The following ARAP2 variants were observed in gnomAD, a reference collection of about 807,000 sequenced individuals.
ARAP2 encodes arf-GAP with Rho-GAP domain, ANK repeat and PH domain-containing protein 2.
Under a neutral mutation model 194.5 loss-of-function variants are expected in ARAP2, and 148 were observed. The observed-to-expected ratio is 0.76, with a 90% confidence interval of 0.67 to 0.87. The LOEUF is 0.87. Ranked by LOEUF, ARAP2 falls within the 40% of genes least tolerant of loss-of-function variation. The pLI, the probability that ARAP2 is intolerant of heterozygous loss-of-function variation, is 0.00. For synonymous variants in ARAP2, 695 were observed against 683.5 expected (o/e 1.02, Z -0.26); for missense variants, 2,128 against 1,989.7 (o/e 1.07, Z -1.32).
chr4:36,109,172 T>C (rs955208679), intron 26 of ARAP2, among the ~76,000 whole-genome samples: 2 of 151,880 alleles, frequency 1.3e-5, no homozygotes, highest in Non-Finnish European at 2.9e-5. Flanking sequence ...AGAAAATAAA[T>C]TGTCTGTTTC....
chr4:36,069,027 ATT>A (rs5857469), intron 32 of ARAP2, among the ~76,000 whole-genome samples: 39 of 151,422 alleles, frequency 2.6e-4, no homozygotes, highest in African/African-American at 4.8e-4. Context: ...CAAGGTTTCT[ATT>A]TTTTTTTTCC....
intron 25 of ARAP2, among the ~76,000 whole-genome samples, chr4:36,114,650 G>A (rs1720894422): frequency 6.6e-6 from 1 of 152,032 alleles, no homozygotes; most frequent in African/African-American, 2.4e-5. Flanking sequence ...ATAATTAAGA[G>A]TGTAGAGTGA....
At chr4:36,023,302 T>G (rs534039073) in intron 5 of ARAP2, among the ~76,000 whole-genome samples, 10 of 152,294 alleles carry the variant, frequency 6.6e-5, no homozygotes, top group African/African-American at 2.4e-4. Context: ...CATTTGCTTG[T>G]ATAGCAGAAG....
rs2109295607 is a variant in ARAP2 at position 36,067,247 on chromosome 4, C to G, written c.*660G>C. The G allele has an allele frequency of 6.5e-6, 1 of 152,754 alleles. No homozygotes were observed. Among genetic ancestry groups the G allele is most frequent in the South Asian group, 2.1e-4 (1 of 4,826 alleles). The allele number at this position is 152,754 out of a possible 1,614,324, so 9.5% of individuals were successfully genotyped here. On this transcript the variant is annotated 3_prime_UTR_variant, in exon 33 of 33. Coordinates refer to ENST00000303965, the MANE Select transcript of ARAP2 (RefSeq NM_015230.4). ...ATTTACATCTGTTGGCCGAATATTACTCTTGAGAAATAAACACTGGACTTT... is the reference window on the plus strand; with the variant it reads ...ATTTACATCTGTTGGCCGAATATTAGTCTTGAGAAATAAACACTGGACTTT...
intron 2 of ARAP2, among the ~76,000 whole-genome samples, chr4:36,216,290 C>A (rs550821988): frequency 6.6e-6 from 1 of 151,938 alleles, no homozygotes; most frequent in Non-Finnish European, 1.5e-5. Context: ...TGGAAAAATG[C>A]AAATAGTTGT....
chr4:36,151,758 T>C (rs1354780728), intron 15 of ARAP2, among the ~76,000 whole-genome samples: 2 of 152,116 alleles, frequency 1.3e-5, no homozygotes, highest in Non-Finnish European at 2.9e-5. Flanking sequence ...GCATATAAAG[T>C]GTGAGATAAA....
intron 5 of ARAP2, among the ~76,000 whole-genome samples, chr4:36,024,949 T>C (rs543943218): frequency 4.8e-4 from 73 of 152,292 alleles, no homozygotes; most frequent in Middle Eastern, 3.4e-3. Context: ...CTGTCATCTG[T>C]AAGGTACTGA....
rs1396613857 is a variant in ARAP2, at chr4:36,066,928, T to C, written c.*979A>G. 6.6e-6 allele frequency: 1 copy of C among 152,138 alleles called. No homozygotes were observed. Among genetic ancestry groups the C allele is most frequent in the Non-Finnish European group, 1.5e-5 (1 of 68,036 alleles). The allele number at this position is 152,138 out of a possible 1,614,324, so 9.4% of individuals were successfully genotyped here. ...ATTTCTGACAACTCGGAGAAAAACA[T>C]TACAACCTTAATAATAATTTAAAAA... is the stretch of plus-strand genomic sequence containing the variant. On this transcript the variant is annotated 3_prime_UTR_variant, in exon 33 of 33. Transcript: ENST00000303965.
intron 27 of ARAP2, among the ~76,000 whole-genome samples, chr4:36,105,593 C>T (rs1313087958): frequency 6.6e-6 from 1 of 151,936 alleles, no homozygotes; most frequent in South Asian, 2.1e-4. Context: ...TTACAGCCAA[C>T]GTACCAGCTG....
chr4:36,133,662 C>T (rs921730372), intron 19 of ARAP2, among the ~76,000 whole-genome samples: 1 of 151,716 alleles, frequency 6.6e-6, no homozygotes, highest in South Asian at 2.1e-4. Context: ...ACCATTGTGG[C>T]TATCACCTGT....
At chr4:36,073,376 G>T (rs1419688712) in intron 32 of ARAP2, among the ~76,000 whole-genome samples, 2 of 152,120 alleles carry the variant, frequency 1.3e-5, no homozygotes, top group Non-Finnish European at 2.9e-5. Context: ...GGTGTTTTAA[G>T]TAAGCTTGTA....
At chr4:36,078,623 G>A (rs1728779706) in intron 31 of ARAP2, among the ~76,000 whole-genome samples, 1 of 152,092 alleles carries the variant, frequency 6.6e-6, no homozygotes, top group Admixed American at 6.6e-5. Flanking sequence ...AAGAACAGAG[G>A]AAAGATAATT....
intron 26 of ARAP2, among the ~76,000 whole-genome samples, chr4:36,110,108 G>A (rs890127297): frequency 1.3e-5 from 2 of 151,784 alleles, no homozygotes; most frequent in African/African-American, 2.4e-5. Flanking sequence ...GTTAAGGTGA[G>A]GAACAGAGAT....
At chr4:36,220,645 T>A (rs1748937241) in intron 2 of ARAP2, among the ~76,000 whole-genome samples, 1 of 152,072 alleles carries the variant, frequency 6.6e-6, no homozygotes, top group Non-Finnish European at 1.5e-5. Context: ...TCATAGGTGA[T>A]GACAGCTCCA....
chr4:36,080,365 A>C, intron 30 of ARAP2, 86 bp from the exon 31 acceptor site: 1 of 1,096,236 alleles, frequency 9.1e-7, no homozygotes, highest in Non-Finnish European at 1.4e-6. Flanking sequence ...TGGTGATCAA[A>C]AATCTCTGGG....
At chr4:36,134,816 T>A in intron 19 of ARAP2, among the ~76,000 whole-genome samples, 1 of 151,368 alleles carries the variant, frequency 6.6e-6, no homozygotes, top group East Asian at 1.9e-4. Context: ...ACTCCAAACC[T>A]TCCCCCAGAA....
Position 36,117,092 on chromosome 4 carries a change from C to A in ARAP2, c.4007G>T (p.Arg1336Met). The change falls in exon 25 of 33, where the codon AGG becomes ATG. Residue 1336 changes from arginine to methionine, a missense_variant. By Grantham distance (91) the Arg-to-Met change is moderately conservative. Coordinates refer to ENST00000303965, the MANE Select transcript of ARAP2 (RefSeq NM_015230.4). ...TATAATACTACAGTCGGGTTCCTTCCTTTCTACATATACTTCAATTAACAA... is the reference window on the plus strand; with the variant it reads ...TATAATACTACAGTCGGGTTCCTTCATTTCTACATATACTTCAATTAACAA... ...GDLLIEVYVE[R>M]KEPDCSIIIR... The A allele has an allele frequency of 6.3e-7, 1 of 1,599,824 alleles. No individual in the cohort carries two copies. Among genetic ancestry groups the A allele is most frequent in the Non-Finnish European group, 8.5e-7 (1 of 1,173,440 alleles).
intron 1 of ARAP2, among the ~76,000 whole-genome samples, chr4:36,237,804 G>A (rs560433783): frequency 1.8e-4 from 27 of 152,242 alleles, no homozygotes; most frequent in Non-Finnish European, 3.1e-4. Flanking sequence ...ACAAAACACA[G>A]AAATAGGTAC....
chr4:36,168,361 C>G (rs1039795723), intron 9 of ARAP2, among the ~76,000 whole-genome samples: 1 of 152,118 alleles, frequency 6.6e-6, no homozygotes, highest in Non-Finnish European at 1.5e-5. Flanking sequence ...AATTCTTAGG[C>G]TCTAAGGATG....
Sources: allele counts gnomAD v4.1 joint callset (sites outside exome capture counted in the v4.1 genomes callset), GRCh38; gene constraint gnomAD v4.1.1; transcripts MANE v1.5; gene names NCBI Gene and HGNC (gene_info 2026-07-23, HGNC 2026-07-21).